Variants in CRACR2B observed in about 807,000 individuals in gnomAD.
CRACR2B encodes calcium release activated channel regulator 2B, also known as EF-hand calcium-binding domain-containing protein 4A.
Under a neutral mutation model 46.0 loss-of-function variants are expected in CRACR2B, and 50 were observed. The ratio of observed to expected loss-of-function variants is 1.09; its 90% CI spans 0.87 to 1.38. The LOEUF (loss-of-function observed/expected upper bound fraction) is 1.38. CRACR2B is among the 40% of genes most tolerant of loss of function. The pLI is 0.00. For missense variants in CRACR2B, 667 were observed against 535.0 expected (o/e 1.25, Z -2.43); for synonymous variants, 277 against 239.6 (o/e 1.16, Z -1.44).
rs1263089908 is a variant in CRACR2B, at chr11:829,551, G to A, written c.458+11G>A. 2 of 1,554,004 alleles carry A rather than the reference G, an allele frequency of 1.3e-6. No homozygotes were observed. Among genetic ancestry groups the A allele is most frequent in the Non-Finnish European group, 1.7e-6 (2 of 1,153,670 alleles). Reference sequence around the variant, plus strand: ...CCCGGTCCTGGGCAAGTGAGTCGGCGCTGGCCCCGCTCCCACTGCCCGCTC... The same window carrying A: ...CCCGGTCCTGGGCAAGTGAGTCGGCACTGGCCCCGCTCCCACTGCCCGCTC... On this transcript the variant is annotated intron_variant, in intron 3 of 8. Coordinates refer to ENST00000525077, the MANE Select transcript of CRACR2B (RefSeq NM_001286606.2).
At position 830,884 on chromosome 11, in the gene CRACR2B, G is replaced by A. The variant is rs767820393; in HGVS notation, c.805G>A (p.Ala269Thr). The change falls in exon 7 of 9, where the codon GCC becomes ACC. Residue 269 changes from alanine to threonine, a missense_variant. Physicochemically the swap from Ala to Thr is moderately conservative, Grantham distance 58. Coordinates refer to ENST00000525077, the MANE Select transcript of CRACR2B (RefSeq NM_001286606.2). ...CCTCCAGTTAGAGCAGCAGCTGCAC[G>A]CCCAGGCTGCGGAGCACCTGGAGGC... Reference protein sequence around the residue: ...RQRELEQQLHAQAAEHLEAQA... With the variant: ...RQRELEQQLHTQAAEHLEAQA... 8.5e-6 allele frequency: 13 copies of A among 1,527,784 alleles called. No individual in the cohort carries two copies. The highest frequency in any genetic ancestry group is 4.8e-5 in the South Asian group (4 of 83,734). The allele number at this position is 1,527,784 out of a possible 1,614,324, so 94.6% of individuals were successfully genotyped here.
At chr11:826,427 G>A (rs963941691), upstream of CRACR2B, among the ~76,000 whole-genome samples, 1 of 152,238 alleles carries the variant, frequency 6.6e-6, no homozygotes, top group Non-Finnish European at 1.5e-5. Context: ...CCCAGAAGGA[G>A]AGCCAGGAGG....
rs372450665 is a variant in CRACR2B at position 831,880 on chromosome 11, C to T, written c.*171C>T. The T allele has an allele frequency of 4.5e-5, 34 of 753,222 alleles. No homozygotes were observed. The South Asian group carries it at 7.3e-4, about 16-fold the overall frequency. 46.7% of individuals were successfully genotyped at this position (753,222 alleles called of 1,614,324 possible). On this transcript the variant is annotated 3_prime_UTR_variant, in exon 9 of 9. Coordinates refer to ENST00000525077, the MANE Select transcript of CRACR2B (RefSeq NM_001286606.2). ...GAGTGGTCAGGGTCCCGGGAGTGGC[C>T]AGGGTCCCGTGTGTGCCCTCTGCCA...
At position 831,233 on chromosome 11, in the gene CRACR2B, C is replaced by G. The variant is rs777799390; in HGVS notation, c.963C>G (p.Val321=). Residue 321 remains valine, a synonymous_variant, in exon 8 of 9, where the codon GTC becomes GTG. Coordinates refer to ENST00000525077, the MANE Select transcript of CRACR2B (RefSeq NM_001286606.2). ...CACCTCCCATCCACAGAGACGTGGT[C>G]GCCGTCTCCAGGAACATGCAGAAAG... The part of the protein sequence containing the change: ...GRQEQTQRDV[V]AVSRNMQKEK... The G allele has an allele frequency of 1.2e-6, 2 of 1,610,152 alleles. No individual in the cohort carries two copies. Among genetic ancestry groups the G allele is most frequent in the Non-Finnish European group, 1.7e-6 (2 of 1,179,246 alleles).
upstream of CRACR2B, among the ~76,000 whole-genome samples, chr11:826,486 A>G (rs1380432947): frequency 1.3e-5 from 2 of 152,230 alleles, no homozygotes; most frequent in African/African-American, 2.4e-5. Flanking sequence ...TCACCCATAC[A>G]TATACACTGA....
Position 829,984 on chromosome 11 carries a change from A to G in CRACR2B, c.459-2A>G. On this transcript the variant is annotated splice_acceptor_variant, in intron 3 of 8. Transcript: ENST00000525077. LOFTEE classifies it high-confidence loss of function. Reference sequence around the variant, plus strand: ...CAGCCTCAGTTCCCGCCCGCCCTCCAGGCAGCGGGCTGTGAGGACGCTCTG... The same window carrying G: ...CAGCCTCAGTTCCCGCCCGCCCTCCGGGCAGCGGGCTGTGAGGACGCTCTG... The G allele has an allele frequency of 6.4e-7, 1 of 1,564,502 alleles. No homozygotes were observed. Among genetic ancestry groups the G allele is most frequent in the Non-Finnish European group, 8.6e-7 (1 of 1,161,676 alleles).
rs760069812 is a variant in CRACR2B at position 828,959 on chromosome 11, C to T, written c.273C>T (p.Gly91=). Residue 91 remains glycine, a synonymous_variant, in exon 2 of 9, where the codon GGC becomes GGT. Coordinates refer to ENST00000525077, the MANE Select transcript of CRACR2B (RefSeq NM_001286606.2). ...GFLTAREFCL[G]LGMFVGVASA... ...TCACCGCCAGGGAGTTCTGCCTGGGCCTGGGTGAGCCTGTGGCCTGCCTAT... is the reference window on the plus strand; with the variant it reads ...TCACCGCCAGGGAGTTCTGCCTGGGTCTGGGTGAGCCTGTGGCCTGCCTAT... The T allele has an allele frequency of 6.2e-7, 1 of 1,602,964 alleles. No homozygotes were observed. The highest frequency in any genetic ancestry group is 8.5e-7 in the Non-Finnish European group (1 of 1,179,836).
chr11:830,039 T>C lies in CRACR2B; in HGVS notation c.512T>C (p.Leu171Pro). 1 of 1,568,370 alleles carries C rather than the reference T, an allele frequency of 6.4e-7. No homozygotes were observed. The highest frequency in any genetic ancestry group is 2.3e-5 in the East Asian group (1 of 42,904). The change falls in exon 4 of 9, where the codon CTG becomes CCG. Residue 171 changes from leucine (L) to proline (P), a missense_variant. By Grantham distance (98) the Leu-to-Pro change is moderately conservative. Coordinates refer to ENST00000525077, the MANE Select transcript of CRACR2B (RefSeq NM_001286606.2). Reference sequence around the variant, plus strand: ...AGGCTGCAGCGCGAGCGCCCCGAGCTGCTGGGCTCTTTCGAGGATGTTCTG... The same window carrying C: ...AGGCTGCAGCGCGAGCGCCCCGAGCCGCTGGGCTCTTTCGAGGATGTTCTG... ...WARLQRERPE[L>P]LGSFEDVLIR...
Position 831,101 on chromosome 11 carries a change from C to G in CRACR2B, c.953+69C>G, listed in dbSNP as rs1350504795. 24 of 1,555,864 alleles carry G rather than the reference C, an allele frequency of 1.5e-5. No homozygotes were observed. In the African/African-American group the frequency reaches 2.5e-4, roughly 16 times the overall value. On this transcript the variant is annotated intron_variant, in intron 7 of 8. Transcript: ENST00000525077. ...GGGCGGGGCCGACGGGCGCTCAGGT[C>G]TGGGCCACTTTCATCCCCATCTCAA... is the stretch of plus-strand genomic sequence containing the variant.
At chr11:830,571 T>C in intron 5 of CRACR2B, 50 bp from the exon 6 acceptor site, 1 of 1,548,630 alleles carries the variant, frequency 6.5e-7, no homozygotes, top group Non-Finnish European at 8.7e-7. Flanking sequence ...GTACCTCTTT[T>C]GCATGGCCGA....
rs1368944328 is a variant in CRACR2B, at chr11:830,881, C to T, written c.802C>T (p.His268Tyr). The change falls in exon 7 of 9, where the codon CAC becomes TAC. Residue 268 changes from histidine (H) to tyrosine (Y), a missense_variant. Physicochemically the swap from His to Tyr is moderately conservative, Grantham distance 83 (BLOSUM62 2). Coordinates refer to ENST00000525077, the MANE Select transcript of CRACR2B (RefSeq NM_001286606.2). ...LRQRELEQQL[H>Y]AQAAEHLEAQ... ...CACCCTCCAGTTAGAGCAGCAGCTG[C>T]ACGCCCAGGCTGCGGAGCACCTGGA... is the stretch of plus-strand genomic sequence containing the variant. 2 of 1,526,748 alleles carry T rather than the reference C, an allele frequency of 1.3e-6. No individual in the cohort carries two copies. The highest frequency in any genetic ancestry group is 1.4e-5 in the African/African-American group (1 of 72,898). 94.6% of individuals were successfully genotyped at this position (1,526,748 alleles called of 1,614,324 possible). A position where few individuals can be genotyped will look rare whatever the true frequency, so the allele number is the denominator to read the frequency against.
At chr11:829,605 C>A in intron 3 of CRACR2B, 65 bp downstream of exon 3, 1 of 1,443,056 alleles carries the variant, frequency 6.9e-7, no homozygotes, top group Non-Finnish European at 9.2e-7. Context: ...ATGCTGTCTG[C>A]CCTTGTCACC....
Position 831,623 on chromosome 11 carries a change from C to T in CRACR2B, c.1114C>T (p.Arg372Cys), listed in dbSNP as rs1336307633. Residue 372 changes from arginine (R) to cysteine (C), a missense_variant, in exon 9 of 9, where the codon CGC becomes TGC. Transcript: ENST00000525077. ...CTGCAGGAAGGCTCTGACAACAGCC[C>T]GCCTGCCTGGGCCCACCTGCTGCTG... Reference protein sequence around the residue: ...SSCRKALTTARLPGPTCCCCC... With the variant: ...SSCRKALTTACLPGPTCCCCC... 4 of 1,562,514 alleles carry T rather than the reference C, an allele frequency of 2.6e-6. No homozygotes were observed. Among genetic ancestry groups the T allele is most frequent in the Non-Finnish European group, 2.6e-6 (3 of 1,161,882 alleles).
At chr11:829,629 T>A in intron 3 of CRACR2B, 89 bp downstream of exon 3, 1 of 1,357,928 alleles carries the variant, frequency 7.4e-7, no homozygotes, top group Non-Finnish European at 9.8e-7. Context: ...GTGCTGGTTC[T>A]GCACAGGGTC....
chr11:829,161 C>A (rs1846167898), intron 2 of CRACR2B, 198 bp downstream of exon 2: 1 of 1,312,482 alleles, frequency 7.6e-7, no homozygotes, highest in Non-Finnish European at 1.1e-6. Flanking sequence ...TGGCCCCCAG[C>A]TCCTCTCCTG....
chr11:827,903 A>G (rs1198440916), upstream of CRACR2B, among the ~76,000 whole-genome samples: 1 of 152,156 alleles, frequency 6.6e-6, no homozygotes, highest in Non-Finnish European at 1.5e-5. Flanking sequence ...GGAGTTCTGA[A>G]ACGGGGAAGG....
At chr11:831,324 A>G in intron 8 of CRACR2B, 29 bp downstream of exon 8, 1 of 1,589,606 alleles carries the variant, frequency 6.3e-7, no homozygotes, top group Non-Finnish European at 8.5e-7. Flanking sequence ...CCGAGAGGGA[A>G]TGGGCTCAGC....
rs1173892708 is a variant in CRACR2B, at chr11:828,256, C to A, written c.-352C>A. On this transcript the variant is annotated 5_prime_UTR_variant, in exon 1 of 9. Coordinates refer to ENST00000525077, the MANE Select transcript of CRACR2B (RefSeq NM_001286606.2). ...TTTCAGGACCCCACCTTCCTTATCACCAGGTCTTCTCCACTGGCCCCTGAG... is the reference window on the plus strand; with the variant it reads ...TTTCAGGACCCCACCTTCCTTATCAACAGGTCTTCTCCACTGGCCCCTGAG... The A allele has an allele frequency of 1.1e-5, 3 of 273,484 alleles. No individual in the cohort carries two copies. Among genetic ancestry groups the A allele is most frequent in the African/African-American group, 4.6e-5 (2 of 43,778 alleles). The allele number at this position is 273,484 out of a possible 1,614,324, so 16.9% of individuals were successfully genotyped here. A position where few individuals can be genotyped will look rare whatever the true frequency, so the allele number is the denominator to read the frequency against.
At position 830,630 on chromosome 11, in the gene CRACR2B, C is replaced by T. The variant is rs1464679913; in HGVS notation, c.703C>T (p.Arg235Cys). 1.3e-6 allele frequency: 2 copies of T among 1,549,254 alleles called. No homozygotes were observed. Among genetic ancestry groups the T allele is most frequent in the South Asian group, 2.4e-5 (2 of 84,054 alleles). ...SRRPPSQNFA[R>C]GERRSRLELE... The stretch of plus-strand genomic sequence containing the variant: ...CCTCCGTGCGTCCCAGAACTTCGCC[C>T]GCGGGGAGCGGAGAAGCCGTCTGGA... The change falls in exon 6 of 9, where the codon CGC (arginine) becomes TGC (cysteine). Residue 235 changes from arginine (R) to cysteine (C), a missense_variant. Coordinates refer to ENST00000525077, the MANE Select transcript of CRACR2B (RefSeq NM_001286606.2).
Sources: gnomAD v4.1 joint callset for allele counts (sites outside exome capture counted in the v4.1 genomes callset) on GRCh38, gnomAD v4.1.1 for gene constraint, MANE v1.5 for transcripts, NCBI Gene and HGNC (gene_info 2026-07-23, HGNC 2026-07-21) for gene names.